BTNL8: variants seen among roughly 807,000 people sequenced by gnomAD.
BTNL8 encodes butyrophilin like 8, also known as butyrophilin-like protein 8.
Under a neutral mutation model 36.1 loss-of-function variants are expected in BTNL8, and 22 were observed. The ratio of observed to expected loss-of-function variants is 0.61; its 90% CI spans 0.44 to 0.87. BTNL8 has a LOEUF of 0.87. Among genes scored for constraint, BTNL8 ranks in the 40% least tolerant of loss-of-function variants. BTNL8 has a pLI of 0.00. For missense variants in BTNL8, 526 were observed against 616.9 expected, an observed-to-expected ratio of 0.85 and a Z score of 1.56; for synonymous variants, 203 against 235.6, an observed-to-expected ratio of 0.86 and a Z score of 1.27.
chr5:180,933,855 C>T (rs1317637063), intron 3 of BTNL8, among the ~76,000 whole-genome samples: 1 of 152,026 alleles, frequency 6.6e-6, no homozygotes, highest in African/African-American at 2.4e-5. Context: ...ATGAATTCTA[C>T]CAAACATTTA....
At chr5:180,940,532 G>A (rs1758878347) in intron 3 of BTNL8, among the ~76,000 whole-genome samples, 1 of 151,914 alleles carries the variant, frequency 6.6e-6, no homozygotes, top group Non-Finnish European at 1.5e-5. Flanking sequence ...AAATTTTGTA[G>A]AAGGAAATAA....
intron 1 of BTNL8, among the ~76,000 whole-genome samples, chr5:180,901,868 C>T (rs552562435): frequency 3.3e-5 from 5 of 152,290 alleles, no homozygotes; most frequent in Non-Finnish European, 4.4e-5. Context: ...ATAAGTCACA[C>T]GTGAACGTGC....
intron 3 of BTNL8, among the ~76,000 whole-genome samples, chr5:180,930,924 C>A (rs1758344902): frequency 6.6e-6 from 1 of 152,188 alleles, no homozygotes; most frequent in African/African-American, 2.4e-5. Flanking sequence ...CCCCATCAAG[C>A]TACCACTGAC....
At chr5:180,911,660 G>A in intron 3 of BTNL8, 46 bp downstream of exon 3, 1 of 1,542,510 alleles carries the variant, frequency 6.5e-7, no homozygotes, top group Non-Finnish European at 8.8e-7. Context: ...GGATGCTTCG[G>A]TAACTCAGAG....
intron 2 of BTNL8, chr5:180,909,881 C>T (rs1019640392): frequency 1.3e-5 from 2 of 152,186 alleles, no homozygotes; most frequent in African/African-American, 4.8e-5. Flanking sequence ...AGTAGTGTCA[C>T]TACAATTGGC....
intron 3 of BTNL8, among the ~76,000 whole-genome samples, chr5:180,944,500 G>C (rs1582063686): frequency 6.6e-6 from 1 of 151,892 alleles, no homozygotes; most frequent in African/African-American, 2.4e-5. Context: ...GTGGAATAGT[G>C]GTTACTAGAG....
chr5:180,940,895 C>A (rs77684396), intron 3 of BTNL8, among the ~76,000 whole-genome samples: 36,596 of 151,872 alleles, frequency 0.24, 5,030 homozygotes, highest in Admixed American at 0.3. Flanking sequence ...GTGGTGAAAC[C>A]CTGTCTCTAC....
In BTNL8 at chr5:180,900,188, G is replaced by T. The variant is rs145871896; in HGVS notation, c.49+829G>T. Among the ~76,000 whole-genome samples, 309 of 152,324 alleles carry T rather than the reference G, an allele frequency of 2.0e-3. 2 individuals are homozygous for T. The highest frequency in any genetic ancestry group is 7.2e-3 in the African/African-American group (301 of 41,582). On this transcript the variant is annotated intron_variant, in intron 1 of 7. Transcript: ENST00000340184. ...AGTTTGTTTTCATTTATTTTCTGAC[G>T]AGCTTCTTTGTTTCCCTTCTGTTTC...
chr5:180,941,129 G>GAAGGAAGGAAGA (rs1758923738), intron 3 of BTNL8, among the ~76,000 whole-genome samples: 1 of 150,942 alleles, frequency 6.6e-6, no homozygotes, highest in Non-Finnish European at 1.5e-5. Context: ...AGGAAGGAAG[G>GAAGGAAGGAAGA]AAGGAAGGAA....
At chr5:180,941,593 T>C (rs2113855005) in intron 3 of BTNL8, among the ~76,000 whole-genome samples, 1 of 152,216 alleles carries the variant, frequency 6.6e-6, no homozygotes, top group South Asian at 2.1e-4. Context: ...AAAAAGAATA[T>C]ACACCATGAT....
intron 1 of BTNL8, among the ~76,000 whole-genome samples, chr5:180,901,669 G>C (rs2113758652): frequency 6.6e-6 from 1 of 152,286 alleles, no homozygotes; most frequent in South Asian, 2.1e-4. Flanking sequence ...ACATGTAATT[G>C]TCACACTTGA....
chr5:180,921,278 T>C (rs1480146274), intron 3 of BTNL8, among the ~76,000 whole-genome samples: 1 of 152,056 alleles, frequency 6.6e-6, no homozygotes, highest in Non-Finnish European at 1.5e-5. Context: ...ATGAAAACAA[T>C]CTATTTGCTG....
chr5:180,916,517 TCA>T (rs1757634490), intron 3 of BTNL8, among the ~76,000 whole-genome samples: 2 of 151,918 alleles, frequency 1.3e-5, no homozygotes, highest in Admixed American at 1.3e-4. Context: ...AATAAAAAGA[TCA>T]ATAAAACTAA....
chr5:180,947,391 A>AT (rs1759313627), intron 3 of BTNL8, 121 bp from the exon 4 acceptor site: 1 of 1,316,428 alleles, frequency 7.6e-7, no homozygotes, highest in African/African-American at 1.5e-5. Context: ...TATTAAGCCT[A>AT]TAGGAGAATT....
At chr5:180,899,866 C>T (rs1389021337) in intron 1 of BTNL8, among the ~76,000 whole-genome samples, 1 of 152,206 alleles carries the variant, frequency 6.6e-6, no homozygotes, top group Non-Finnish European at 1.5e-5. Context: ...TTTCTCCTTC[C>T]AGTTACTGTT....
At chr5:180,939,603 A>G (rs1466723462) in intron 3 of BTNL8, among the ~76,000 whole-genome samples, 1 of 152,204 alleles carries the variant, frequency 6.6e-6, no homozygotes, top group Non-Finnish European at 1.5e-5. Flanking sequence ...CAATACATTA[A>G]TTAATGTAAT....
At chr5:180,940,795 A>G (rs1187443324) in intron 3 of BTNL8, among the ~76,000 whole-genome samples, 2 of 152,058 alleles carry the variant, frequency 1.3e-5, no homozygotes, top group African/African-American at 2.4e-5. Flanking sequence ...ACGGGGCACA[A>G]TTGTTCATGC....
At chr5:180,917,609 T>TA (rs33957731) in intron 3 of BTNL8, among the ~76,000 whole-genome samples, 21,448 of 151,512 alleles carry the variant, frequency 0.14, 1,610 homozygotes, top group South Asian at 0.28. Context: ...CAGAATAATT[T>TA]AAAAAAAATA....
intron 3 of BTNL8, among the ~76,000 whole-genome samples, chr5:180,941,912 C>CTTTTTTTTTT (rs1554145496): frequency 1.8e-4 from 26 of 144,962 alleles, no homozygotes; most frequent in South Asian, 4.3e-4. Context: ...TTTTACTACT[C>CTTTTTTTTTT]TTATTCAACA....
Sources: allele counts gnomAD v4.1 joint callset (sites outside exome capture counted in the v4.1 genomes callset), GRCh38; gene constraint gnomAD v4.1.1; transcripts MANE v1.5; gene names NCBI Gene and HGNC (gene_info 2026-07-23, HGNC 2026-07-21).